The following ST6GAL1 variants were observed in gnomAD, a reference collection of about 807,000 sequenced individuals.
The protein encoded by ST6GAL1 is beta-galactoside alpha-2,6-sialyltransferase 1.
A neutral mutation model predicts 38.0 loss-of-function variants in ST6GAL1; 20 were observed. That is an observed-to-expected ratio of 0.53 (90% CI 0.37 to 0.77). The LOEUF is 0.77. ST6GAL1 is among the 30% of genes least tolerant of loss of function. ST6GAL1 has a pLI of 0.00. For missense variants in ST6GAL1, 432 were observed against 496.4 expected (o/e 0.87, Z 1.23); for synonymous variants, 196 against 188.2 (o/e 1.04, Z -0.34).
chr3:187,055,994 A>G (rs1357116425), intron 5 of ST6GAL1, among the ~76,000 whole-genome samples: 1 of 152,146 alleles, frequency 6.6e-6, no homozygotes, highest in Non-Finnish European at 1.5e-5. Flanking sequence ...ATGCTCCTGT[A>G]TTGGGTGCAT....
intron 2 of ST6GAL1, among the ~76,000 whole-genome samples, chr3:186,985,632 G>A (rs1350756316): frequency 6.6e-6 from 1 of 151,576 alleles, no homozygotes; most frequent in Non-Finnish European, 1.5e-5. Flanking sequence ...AAAATTAGCT[G>A]GTCCTGGTGG....
chr3:187,055,759 G>T (rs1478155690), intron 5 of ST6GAL1, among the ~76,000 whole-genome samples: 2 of 152,194 alleles, frequency 1.3e-5, no homozygotes, highest in Non-Finnish European at 2.9e-5. Flanking sequence ...GTGCGATGTG[G>T]TGCTGAGACA....
chr3:187,016,551 G>A (rs1461156823), intron 2 of ST6GAL1, among the ~76,000 whole-genome samples: 1 of 152,046 alleles, frequency 6.6e-6, no homozygotes, highest in African/African-American at 2.4e-5. Flanking sequence ...GCGGGAGGCA[G>A]TTCGAGGTTG....
At chr3:186,982,964 G>A (rs1019153745) in intron 2 of ST6GAL1, among the ~76,000 whole-genome samples, 1 of 151,954 alleles carries the variant, frequency 6.6e-6, no homozygotes, top group African/African-American at 2.4e-5. Context: ...TTACAGGCAT[G>A]AGCCACCGCG....
At chr3:187,052,109 T>G (rs1167169239) in intron 5 of ST6GAL1, among the ~76,000 whole-genome samples, 3 of 152,016 alleles carry the variant, frequency 2.0e-5, no homozygotes, top group African/African-American at 7.3e-5. Context: ...GGGCATGGGG[T>G]GGATCCTGGA....
chr3:186,992,604 G>A (rs1231168603), intron 2 of ST6GAL1, among the ~76,000 whole-genome samples: 3 of 152,124 alleles, frequency 2.0e-5, no homozygotes, highest in Non-Finnish European at 4.4e-5. Context: ...GACCAGCCTG[G>A]CCAACATGGT....
At chr3:187,055,736 A>G (rs1718677010) in intron 5 of ST6GAL1, among the ~76,000 whole-genome samples, 1 of 152,184 alleles carries the variant, frequency 6.6e-6, no homozygotes, top group East Asian at 1.9e-4. Context: ...CTATGTGGTC[A>G]GTTTTACAAT....
At chr3:186,971,940 C>T (rs1325918156) in intron 2 of ST6GAL1, among the ~76,000 whole-genome samples, 1 of 152,220 alleles carries the variant, frequency 6.6e-6, no homozygotes, top group Non-Finnish European at 1.5e-5. Context: ...CCTAGCTCAG[C>T]ATCTTCTACT....
chr3:187,059,335 TCAGA>T (rs1235040901), intron 5 of ST6GAL1, among the ~76,000 whole-genome samples: 1 of 152,170 alleles, frequency 6.6e-6, no homozygotes. Flanking sequence ...GTGTGGAAAT[TCAGA>T]CAGAGGGTTA....
At position 187,074,305 on chromosome 3, in the gene ST6GAL1, G is replaced by A. The variant is rs1719487947; in HGVS notation, c.951G>A (p.Gln317=). The change falls in exon 7 of 8, where the codon CAG becomes CAA. Residue 317 remains glutamine (Q), a synonymous_variant. Coordinates refer to ENST00000169298, the MANE Select transcript of ST6GAL1 (RefSeq NM_173216.2). ...AAGAAATCTCCCCAGAAGAGATTCA[G>A]CCAAACCCCCCATCCTCTGGGATGC... ...ILQEISPEEI[Q]PNPPSSGMLG... is the part of the protein sequence containing the mutation. 6 of 1,600,380 alleles carry A rather than the reference G, an allele frequency of 3.7e-6. No individual in the cohort carries two copies. The highest frequency in any genetic ancestry group is 5.1e-6 in the Non-Finnish European group (6 of 1,173,934).
At chr3:187,073,469 G>C (rs2268528) in intron 6 of ST6GAL1, 15,658 of 162,668 alleles carry the variant, frequency 0.096, 879 homozygotes, top group East Asian at 0.17. Context: ...CTAAGCAGAA[G>C]GCGCAGATCT....
intron 5 of ST6GAL1, among the ~76,000 whole-genome samples, chr3:187,051,906 C>T (rs577278194): frequency 6.6e-5 from 10 of 152,228 alleles, no homozygotes; most frequent in African/African-American, 2.4e-4. Context: ...ATTCTTGCCA[C>T]AGGGTTCTGT....
chr3:187,051,472 A>G, intron 5 of ST6GAL1, 126 bp downstream of exon 5: 1 of 771,864 alleles, frequency 1.3e-6, no homozygotes, highest in Non-Finnish European at 2.1e-6. Context: ...TGAGTTCCTG[A>G]TTCCTCACTG....
At chr3:186,988,870 C>T (rs1198177213) in intron 2 of ST6GAL1, among the ~76,000 whole-genome samples, 1 of 152,050 alleles carries the variant, frequency 6.6e-6, no homozygotes, top group East Asian at 1.9e-4. Flanking sequence ...GCTGAGATCA[C>T]ACCACTGCAC....
intron 4 of ST6GAL1, among the ~76,000 whole-genome samples, chr3:187,046,027 A>T (rs1025432102): frequency 6.6e-6 from 1 of 152,204 alleles, no homozygotes; most frequent in Non-Finnish European, 1.5e-5. Flanking sequence ...TCTTTAAGCC[A>T]TGGAGAGCCC....
chr3:187,072,769 T>A, intron 5 of ST6GAL1, 80 bp from the exon 6 acceptor site: 1 of 1,251,454 alleles, frequency 8.0e-7, no homozygotes, highest in Non-Finnish European at 1.2e-6. Flanking sequence ...GGCTGTACCT[T>A]GTGCTATGTC....
intron 2 of ST6GAL1, among the ~76,000 whole-genome samples, chr3:186,971,040 C>T (rs868676134): frequency 6.6e-6 from 1 of 152,260 alleles, no homozygotes; most frequent in South Asian, 2.1e-4. Flanking sequence ...AATCCACTTC[C>T]TCCACATGCT....
At chr3:186,960,751 C>T (rs955957813) in intron 1 of ST6GAL1, among the ~76,000 whole-genome samples, 3 of 150,924 alleles carry the variant, frequency 2.0e-5, no homozygotes, top group East Asian at 1.9e-4. Flanking sequence ...ATTTTTGTTT[C>T]GTTTTGTTTT....
At chr3:186,959,320 C>G (rs1240878382) in intron 1 of ST6GAL1, among the ~76,000 whole-genome samples, 1 of 152,112 alleles carries the variant, frequency 6.6e-6, no homozygotes, top group African/African-American at 2.4e-5. Context: ...AGAAAAGCCC[C>G]TGGGAGGCAG....
Sources: allele counts gnomAD v4.1 joint callset (sites outside exome capture counted in the v4.1 genomes callset), GRCh38; gene constraint gnomAD v4.1.1; transcripts MANE v1.5; gene names NCBI Gene and HGNC (gene_info 2026-07-23, HGNC 2026-07-21).